RANBP17: variants seen among roughly 807,000 people sequenced by gnomAD.
RANBP17 encodes ran-binding protein 17.
In RANBP17, 158 loss-of-function variants were observed where a neutral mutation model predicts 141.2. That is an observed-to-expected ratio of 1.12 (90% CI 0.98 to 1.28). The LOEUF is 1.28. Among genes scored for constraint, RANBP17 ranks in the 50% most tolerant of loss-of-function variants. The probability of loss-of-function intolerance (pLI) is 0.00; values close to 1 mark genes in which losing one functional copy is unlikely to be tolerated. For missense variants in RANBP17, 1,438 were observed against 1,290.7 expected, an observed-to-expected ratio of 1.11 and a Z score of -1.75; for synonymous variants, 430 against 450.0, an observed-to-expected ratio of 0.96 and a Z score of 0.56.
At chr5:171,047,557 C>T (rs1782676892) in intron 14 of RANBP17, among the ~76,000 whole-genome samples, 1 of 151,450 alleles carries the variant, frequency 6.6e-6, no homozygotes, top group Non-Finnish European at 1.5e-5. Context: ...TGTTCTGCCT[C>T]AGCCTCCTGA....
At chr5:171,202,315 C>T (rs896064464) in intron 19 of RANBP17, among the ~76,000 whole-genome samples, 3 of 152,088 alleles carry the variant, frequency 2.0e-5, no homozygotes, top group Non-Finnish European at 4.4e-5. Flanking sequence ...ATAATTATGT[C>T]CATGGTAAAA....
intron 24 of RANBP17, among the ~76,000 whole-genome samples, chr5:171,244,311 G>A (rs1033111372): frequency 2.0e-5 from 3 of 151,912 alleles, no homozygotes; most frequent in Admixed American, 1.3e-4. Context: ...GAGAATCACT[G>A]AGGATGCAAT....
intron 14 of RANBP17, among the ~76,000 whole-genome samples, chr5:171,053,173 AT>A (rs78082905): frequency 0.062 from 9,078 of 147,438 alleles, 362 homozygotes; most frequent in East Asian, 0.13. Context: ...ATGCCTTAGA[AT>A]TTTTTTTTTT....
intron 6 of RANBP17, chr5:170,909,995 C>G (rs1771403680): frequency 3.1e-6 from 1 of 324,248 alleles, no homozygotes; most frequent in Non-Finnish European, 5.5e-6. Flanking sequence ...AACTTATCTT[C>G]AGGTAGTAGT....
intron 14 of RANBP17, among the ~76,000 whole-genome samples, chr5:171,137,505 C>T (rs1209370991): frequency 6.6e-6 from 1 of 151,172 alleles, no homozygotes; most frequent in Non-Finnish European, 1.5e-5. Flanking sequence ...TCTTAGTGGT[C>T]CCTGTATGAA....
intron 16 of RANBP17, among the ~76,000 whole-genome samples, chr5:171,179,162 T>C (rs558623139): frequency 5.2e-4 from 78 of 150,996 alleles, no homozygotes; most frequent in African/African-American, 1.6e-3. Flanking sequence ...TTAGGTCTTA[T>C]GTTTAAGTCT....
chr5:170,905,457 C>G (rs941676295), intron 5 of RANBP17, among the ~76,000 whole-genome samples: 2 of 152,060 alleles, frequency 1.3e-5, no homozygotes, highest in African/African-American at 2.4e-5. Context: ...TAAAAAAATA[C>G]AAAAGAACCA....
At chr5:171,267,026 C>CTTTTTTTTTTTTTTTT (rs35762251) in intron 25 of RANBP17, among the ~76,000 whole-genome samples, 5 of 114,620 alleles carry the variant, frequency 4.4e-5, no homozygotes, top group African/African-American at 1.1e-4. Context: ...ATTTTCTTTT[C>CTTTTTTTTTTTTTTTT]TTTTTTTTTT....
intron 12 of RANBP17, among the ~76,000 whole-genome samples, chr5:170,931,447 A>C (rs1773373088): frequency 6.6e-6 from 1 of 152,074 alleles, no homozygotes; most frequent in Non-Finnish European, 1.5e-5. Context: ...TTTTGTTGCC[A>C]TTGCTTTTGG....
intron 1 of RANBP17, among the ~76,000 whole-genome samples, chr5:170,862,602 C>CT (rs1271964865): frequency 6.6e-6 from 1 of 152,126 alleles, no homozygotes; most frequent in Non-Finnish European, 1.5e-5. Flanking sequence ...GGGGCTGCGT[C>CT]TGGGGGGAGT....
At chr5:170,897,081 C>A in intron 5 of RANBP17, 1 of 830,582 alleles carries the variant, frequency 1.2e-6, no homozygotes. Flanking sequence ...TGGATACCAG[C>A]TGTCTTGATT....
chr5:171,263,562 C>A (rs1766473734), intron 24 of RANBP17, among the ~76,000 whole-genome samples: 2 of 152,216 alleles, frequency 1.3e-5, no homozygotes, highest in South Asian at 2.1e-4. Context: ...CCTCCATTAA[C>A]CTTTCATATT....
At chr5:170,945,956 G>A (rs1774722560) in intron 12 of RANBP17, among the ~76,000 whole-genome samples, 1 of 152,152 alleles carries the variant, frequency 6.6e-6, no homozygotes, top group South Asian at 2.1e-4. Flanking sequence ...AGAGATTGTT[G>A]GATTATAAGA....
chr5:171,011,611 T>C (rs1005011645), intron 14 of RANBP17, among the ~76,000 whole-genome samples: 3 of 152,082 alleles, frequency 2.0e-5, no homozygotes, highest in African/African-American at 7.2e-5. Flanking sequence ...TATACATTTA[T>C]GCATACATAT....
chr5:171,103,090 TGAG>T (rs1450011571), intron 14 of RANBP17, among the ~76,000 whole-genome samples: 6 of 152,176 alleles, frequency 3.9e-5, no homozygotes, highest in Non-Finnish European at 8.8e-5. Flanking sequence ...GGGACCCACT[TGAG>T]GAGACAGTCT....
At chr5:170,895,985 G>C in intron 4 of RANBP17, 65 bp from the exon 5 acceptor site, 1 of 845,500 alleles carries the variant, frequency 1.2e-6, no homozygotes, top group Non-Finnish European at 1.8e-6. Context: ...AATGTTACCT[G>C]GTATATACAT....
intron 14 of RANBP17, among the ~76,000 whole-genome samples, chr5:170,979,684 C>T (rs1777626600): frequency 6.6e-6 from 1 of 152,222 alleles, no homozygotes; most frequent in African/African-American, 2.4e-5. Flanking sequence ...TGACTTGCTG[C>T]TCCTTGCCTT....
intron 14 of RANBP17, among the ~76,000 whole-genome samples, chr5:171,044,579 A>C (rs1240826442): frequency 1.3e-5 from 2 of 152,056 alleles, no homozygotes; most frequent in Non-Finnish European, 2.9e-5. Context: ...AAATTTACTC[A>C]TAATAAAAAT....
At chr5:171,235,014 G>A (rs143992408) in intron 22 of RANBP17, among the ~76,000 whole-genome samples, 1 of 152,328 alleles carries the variant, frequency 6.6e-6, no homozygotes, top group African/African-American at 2.4e-5. Context: ...GCACTCCAAT[G>A]TTGGAAGGTA....
Sources: gnomAD v4.1 joint callset for allele counts (sites outside exome capture counted in the v4.1 genomes callset) on GRCh38, gnomAD v4.1.1 for gene constraint, MANE v1.5 for transcripts, NCBI Gene and HGNC (gene_info 2026-07-23, HGNC 2026-07-21) for gene names.